The following MYT1L variants were observed in gnomAD, a reference collection of about 807,000 sequenced individuals.
MYT1L encodes myelin transcription factor 1-like protein.
A neutral mutation model predicts 126.7 loss-of-function variants in MYT1L; 12 were observed. The ratio of observed to expected loss-of-function variants is 0.09; its 90% confidence interval spans 0.06 to 0.15. The LOEUF (loss-of-function observed/expected upper bound fraction) is 0.15, where lower values mean the gene tolerates loss of function less well. Among genes scored for constraint, MYT1L ranks in the 10% least tolerant of loss-of-function variants. MYT1L has a pLI of 1.00. For missense variants in MYT1L, 979 were observed against 1,585.2 expected (o/e 0.62, Z 6.49); for synonymous variants, 541 against 604.2 (o/e 0.90, Z 1.53).
chr2:2,091,711 T>C (rs913629912), intron 3 of MYT1L, among the ~76,000 whole-genome samples: 6 of 152,228 alleles, frequency 3.9e-5, no homozygotes, highest in African/African-American at 1.4e-4. Context: ...AAATCTGTTG[T>C]TAATGTAACC....
chr2:1,961,951 G>T (rs2058995754), intron 8 of MYT1L, among the ~76,000 whole-genome samples: 2 of 152,206 alleles, frequency 1.3e-5, no homozygotes, highest in South Asian at 2.1e-4. Context: ...AGCTAGAAGA[G>T]AATAATTTGG....
chr2:1,884,818 C>T (rs1277626090), intron 18 of MYT1L, among the ~76,000 whole-genome samples: 1 of 152,230 alleles, frequency 6.6e-6, no homozygotes, highest in Non-Finnish European at 1.5e-5. Flanking sequence ...TGCCCATGCG[C>T]ACCCTGCCCT....
chr2:2,022,791 C>T (rs1002839588), intron 4 of MYT1L, among the ~76,000 whole-genome samples: 1 of 152,030 alleles, frequency 6.6e-6, no homozygotes. Flanking sequence ...AATGATTCAA[C>T]AGCCTGCAAA....
At chr2:2,189,644 G>C (rs2092446273) in intron 2 of MYT1L, among the ~76,000 whole-genome samples, 1 of 152,160 alleles carries the variant, frequency 6.6e-6, no homozygotes, top group African/African-American at 2.4e-5. Context: ...AATTGTTAAT[G>C]TGGTAGCTAT....
intron 4 of MYT1L, among the ~76,000 whole-genome samples, chr2:2,027,293 C>A (rs1263882568): frequency 6.6e-6 from 1 of 152,172 alleles, no homozygotes; most frequent in Non-Finnish European, 1.5e-5. Context: ...CTCTGCCCAG[C>A]CCAGCAACAG....
Position 2,302,066 on chromosome 2 carries a change from A to G in MYT1L, c.-520-17563T>C, listed in dbSNP as rs111801343. Reference sequence around the variant, plus strand: ...TTCTATTCCAAAATTGATATCCACAATGGGCTAATATTGCCATGATCAATT... The same window carrying G: ...TTCTATTCCAAAATTGATATCCACAGTGGGCTAATATTGCCATGATCAATT... On this transcript the variant is annotated intron_variant, in intron 1 of 24. Coordinates refer to ENST00000647738, the MANE Select transcript of MYT1L (RefSeq NM_001303052.2). 4.4e-3 allele frequency among the ~76,000 whole-genome samples: 664 copies of G among 152,296 alleles called. 5 individuals carry two copies. Among genetic ancestry groups the G allele is most frequent in the African/African-American group, 0.015 (628 of 41,566 alleles).
Position 1,979,376 on chromosome 2 carries a change from C to A in MYT1L, c.89+145G>T. Reference sequence around the variant, plus strand: ...GGGGGAAATTCGGGGAGGCTTTTTACGAGCAAGTCTCGGGGGAATTAATTT... The same window carrying A: ...GGGGGAAATTCGGGGAGGCTTTTTAAGAGCAAGTCTCGGGGGAATTAATTT... On this transcript the variant is annotated intron_variant, in intron 7 of 24. Transcript: ENST00000647738. The surrounding 1 kb of genome is among the most constrained non-coding windows in gnomAD (Gnocchi z 4.0). 1.2e-5 allele frequency: 13 copies of A among 1,110,124 alleles called. No homozygotes were observed. In the South Asian group the frequency reaches 1.6e-4, roughly 13 times the overall value. The allele number at this position is 1,110,124 out of a possible 1,614,324, so 68.8% of individuals were successfully genotyped here. A position where few individuals can be genotyped will look rare whatever the true frequency, so the allele number is the denominator to read the frequency against.
intron 21 of MYT1L, among the ~76,000 whole-genome samples, chr2:1,823,625 T>G (rs2038879730): frequency 6.7e-6 from 1 of 150,306 alleles, no homozygotes; most frequent in Admixed American, 6.6e-5. Context: ...TGTTCAGCCC[T>G]GCAGGTGGGT....
At chr2:1,933,963 ATTTTGAT>A (rs1245492200) in intron 9 of MYT1L, among the ~76,000 whole-genome samples, 3 of 147,746 alleles carry the variant, frequency 2.0e-5, no homozygotes, top group African/African-American at 7.5e-5. Context: ...CTGGGCTCTA[ATTTTGAT>A]TTTTTTTTTT....
At position 1,929,441 on chromosome 2, in the gene MYT1L, G is replaced by A. The variant is rs1456232935; in HGVS notation, c.506-6178C>T. ...GAAAGGGGAACATGGAGGGTGACGCGGCATTGACAGTGGGATGCACGTGTC... is the reference window on the plus strand; with the variant it reads ...GAAAGGGGAACATGGAGGGTGACGCAGCATTGACAGTGGGATGCACGTGTC... On this transcript the variant is annotated intron_variant, in intron 9 of 24. Transcript: ENST00000647738. This position sits in a 1 kb window ranked among gnomAD's most constrained non-coding sequence, Gnocchi z 4.7. 1.3e-5 allele frequency among the ~76,000 whole-genome samples: 2 copies of A among 152,164 alleles called. No homozygotes were observed. The highest frequency in any genetic ancestry group is 1.9e-4 in the East Asian group (1 of 5,182).
intron 2 of MYT1L, among the ~76,000 whole-genome samples, chr2:2,234,784 A>G (rs2094243434): frequency 1.3e-5 from 2 of 152,192 alleles, no homozygotes; most frequent in Non-Finnish European, 1.5e-5. Flanking sequence ...GTAAGTTGGG[A>G]GCTTGGAGAA....
intron 2 of MYT1L, among the ~76,000 whole-genome samples, chr2:2,184,870 C>T (rs1559266181): frequency 6.6e-6 from 1 of 152,204 alleles, no homozygotes; most frequent in African/African-American, 2.4e-5. Flanking sequence ...AGGGACCCGC[C>T]AAGAGAGGCC....
At chr2:2,329,819 G>A (rs773940926) in intron 1 of MYT1L, among the ~76,000 whole-genome samples, 1 of 152,078 alleles carries the variant, frequency 6.6e-6, no homozygotes, top group Non-Finnish European at 1.5e-5. Flanking sequence ...CTGCATTTGA[G>A]GTGATAGAAT....
rs1368135473 is a variant in MYT1L at position 2,052,761 on chromosome 2, A to G, written c.-158+1217T>C. 3.0e-4 allele frequency among the ~76,000 whole-genome samples: 45 copies of G among 152,248 alleles called. 1 individual carries two copies. The highest frequency in any genetic ancestry group is 2.8e-3 in the Admixed American group (43 of 15,284). On this transcript the variant is annotated intron_variant, in intron 4 of 24. Coordinates refer to ENST00000647738, the MANE Select transcript of MYT1L (RefSeq NM_001303052.2). ...TCAGGATATCTATTATTTTTAAAAA[A>G]GAAAACCACAGGAAAGAGTTAAGTG... is the stretch of plus-strand genomic sequence containing the variant.
At position 1,868,750 on chromosome 2, in the gene MYT1L, G is replaced by A. The variant is rs558541482; in HGVS notation, c.2712-17047C>T. Among the ~76,000 whole-genome samples, 6 of 152,328 alleles carry A rather than the reference G, an allele frequency of 3.9e-5. No homozygotes were observed. The East Asian group carries it at 9.7e-4, about 25-fold the overall frequency. ...CAGACGAGCGTTGCTATGGAGACAC[G>A]GTTGCTAGGCTCCCTCCTCCCCCCT... On this transcript the variant is annotated intron_variant, in intron 18 of 24. Coordinates refer to ENST00000647738, the MANE Select transcript of MYT1L (RefSeq NM_001303052.2).
Position 2,164,920 on chromosome 2 carries a change from G to A in MYT1L, c.-304+7952C>T, listed in dbSNP as rs558290809. On this transcript the variant is annotated intron_variant, in intron 3 of 24. Coordinates refer to ENST00000647738, the MANE Select transcript of MYT1L (RefSeq NM_001303052.2). The stretch of plus-strand genomic sequence containing the variant: ...AACACATCAATGCACTGTGACAGAA[G>A]GAAAGAAGGGCACTCAAAGTTCACC... 2.0e-5 allele frequency among the ~76,000 whole-genome samples: 3 copies of A among 152,276 alleles called. No individual in the cohort carries two copies. The East Asian group carries it at 5.8e-4, about 29-fold the overall frequency.
At chr2:2,290,173 A>C (rs1452586524) in intron 1 of MYT1L, among the ~76,000 whole-genome samples, 1 of 152,202 alleles carries the variant, frequency 6.6e-6, no homozygotes, top group Non-Finnish European at 1.5e-5. Context: ...ATTGAGGTCT[A>C]GAACCTTGTC....
chr2:1,890,397 A>G (rs1426195440), intron 15 of MYT1L, among the ~76,000 whole-genome samples: 1 of 152,114 alleles, frequency 6.6e-6, no homozygotes, highest in Admixed American at 6.5e-5. Flanking sequence ...TATAATGAAG[A>G]TAATTTTCCA....
chr2:1,829,324 C>A lies in MYT1L; in HGVS notation c.3080+9825G>T, dbSNP rs984248005. Among the ~76,000 whole-genome samples the A allele has an allele frequency of 3.3e-4, 43 of 128,812 alleles. 2 individuals are homozygous for A. Among genetic ancestry groups the A allele is most frequent in the African/African-American group, 1.2e-3 (41 of 33,892 alleles). 84.5% of individuals were successfully genotyped at this position (128,812 alleles called of 152,430 possible). ...ACCCTCCCATACACCTGTGAACTGA[C>A]CCTCCCATACACCTGTGAACTGACC... On this transcript the variant is annotated intron_variant, in intron 21 of 24. Coordinates refer to ENST00000647738, the MANE Select transcript of MYT1L (RefSeq NM_001303052.2).
Sources: allele counts gnomAD v4.1 joint callset (sites outside exome capture counted in the v4.1 genomes callset), GRCh38; gene constraint gnomAD v4.1.1; non-coding constraint Gnocchi (gnomAD v3.1); transcripts MANE v1.5; gene names NCBI Gene and HGNC (gene_info 2026-07-23, HGNC 2026-07-21).